The following LRRC28 variants were observed in gnomAD, a reference collection of about 807,000 sequenced individuals.
LRRC28 encodes the protein leucine rich repeat containing 28.
A neutral mutation model predicts 45.7 loss-of-function variants in LRRC28; 39 were observed. That is an observed-to-expected ratio of 0.85 (90% CI 0.66 to 1.12). The LOEUF (loss-of-function observed/expected upper bound fraction) is 1.12. Ranked by LOEUF, LRRC28 falls within the 50% of genes most tolerant of loss-of-function variation. The pLI is 0.00. For missense variants in LRRC28, 435 were observed against 438.5 expected, an observed-to-expected ratio of 0.99 and a Z score of 0.07; for synonymous variants, 206 against 178.8, an observed-to-expected ratio of 1.15 and a Z score of -1.22.
At chr15:99,325,714 G>T (rs573379531) in intron 5 of LRRC28, among the ~76,000 whole-genome samples, 1 of 152,278 alleles carries the variant, frequency 6.6e-6, no homozygotes, top group East Asian at 1.9e-4. Context: ...GTATTACATT[G>T]ATTTTTCAGC....
intron 2 of LRRC28, among the ~76,000 whole-genome samples, chr15:99,270,125 G>A (rs75693133): frequency 0.094 from 14,272 of 152,202 alleles, 736 homozygotes; most frequent in African/African-American, 0.14. Context: ...AACTCATGTC[G>A]TGTACCTGCT....
chr15:99,308,447 G>A (rs1181354789), intron 5 of LRRC28, among the ~76,000 whole-genome samples: 4 of 152,096 alleles, frequency 2.6e-5, no homozygotes, highest in Non-Finnish European at 4.4e-5. Flanking sequence ...TAGGAGGATC[G>A]CTTAAGCTAG....
At chr15:99,370,904 G>A (rs1345689511) in intron 9 of LRRC28, among the ~76,000 whole-genome samples, 1 of 152,172 alleles carries the variant, frequency 6.6e-6, no homozygotes, top group Non-Finnish European at 1.5e-5. Context: ...TTTGAGTAGT[G>A]TTAAATTTTT....
chr15:99,273,052 A>G (rs763887501), intron 2 of LRRC28, among the ~76,000 whole-genome samples: 1 of 152,202 alleles, frequency 6.6e-6, no homozygotes, highest in Non-Finnish European at 1.5e-5. Flanking sequence ...TGCTGTACCT[A>G]AATTATAGAA....
Position 99,361,495 on chromosome 15 carries a change from C to A in LRRC28, c.855C>A (p.Tyr285Ter), listed in dbSNP as rs1957201811. 6.2e-7 allele frequency: 1 copy of A among 1,601,254 alleles called. No homozygotes were observed. The highest frequency in any genetic ancestry group is 1.1e-5 in the South Asian group (1 of 88,472). Reference sequence around the variant, plus strand: ...CTATGAGAGGGCTGTATCATACCTACCACAGCTTGCTGAAAGGTACGTGGG... The same window carrying A: ...CTATGAGAGGGCTGTATCATACCTAACACAGCTTGCTGAAAGGTACGTGGG... Reference protein sequence around the residue: ...ELAMRGLYHTYHSLLKDLNFL... With the variant: ...ELAMRGLYHT Residue 285 changes from tyrosine (Y) to a stop codon, truncating the protein, a stop_gained, in exon 8 of 10, where the codon TAC (tyrosine) becomes TAA (stop). Transcript: ENST00000301981. LOFTEE classifies it high-confidence loss of function.
chr15:99,352,383 C>A lies in LRRC28; in HGVS notation c.607C>A (p.Arg203=). ...TTCTAATCCAGATTTAGGTCGATCT[C>A]GAGAACTACAGTATGTATACGTGGA... ...AFLPLDLGRS[R]ELQYVYVDNN... Residue 203 remains arginine, a synonymous_variant, in exon 7 of 10, where the codon CGA becomes AGA. Transcript: ENST00000301981. The A allele has an allele frequency of 6.2e-7, 1 of 1,613,052 alleles. No individual in the cohort carries two copies. Among genetic ancestry groups the A allele is most frequent in the South Asian group, 1.1e-5 (1 of 90,900 alleles).
chr15:99,331,128 A>G (rs906332293), intron 5 of LRRC28, among the ~76,000 whole-genome samples: 4 of 152,204 alleles, frequency 2.6e-5, no homozygotes, highest in Admixed American at 2.6e-4. Flanking sequence ...TGCAAGCCTT[A>G]GTAATTTTTG....
chr15:99,332,076 T>G (rs1956179103), intron 5 of LRRC28: 1 of 152,218 alleles, frequency 6.6e-6, no homozygotes. Context: ...TTTTTGATTT[T>G]TAAATTTAGT....
intron 6 of LRRC28, among the ~76,000 whole-genome samples, chr15:99,349,988 T>G (rs1024277922): frequency 9.3e-4 from 139 of 149,570 alleles, no homozygotes; most frequent in African/African-American, 3.2e-3. Context: ...TACAAAAAAT[T>G]AGCCGGGCGC....
chr15:99,372,706 G>A (rs1023275127), intron 9 of LRRC28, among the ~76,000 whole-genome samples: 3 of 152,154 alleles, frequency 2.0e-5, no homozygotes, highest in Admixed American at 2.0e-4. Context: ...ATCCTTTAAT[G>A]AGTGTAAATC....
At position 99,386,979 on chromosome 15, in the gene LRRC28, T is replaced by C. The variant is rs1032624092; in HGVS notation, c.*877T>C. 3.3e-5 allele frequency: 5 copies of C among 152,178 alleles called. No individual in the cohort carries two copies. The highest frequency in any genetic ancestry group is 5.9e-5 in the Non-Finnish European group (4 of 68,036). 9.4% of individuals were successfully genotyped at this position (152,178 alleles called of 1,614,324 possible). A position where few individuals can be genotyped will look rare whatever the true frequency, so the allele number is the denominator to read the frequency against. ...TGAAATAAGACCTCCGTGTTCTTTT[T>C]TGATGGGTTTATGATTCAGTTTATA... On this transcript the variant is annotated 3_prime_UTR_variant, in exon 10 of 10. Coordinates refer to ENST00000301981, the MANE Select transcript of LRRC28 (RefSeq NM_144598.5).
intron 3 of LRRC28, chr15:99,285,087 C>G (rs2081922240): frequency 1.4e-6 from 1 of 692,698 alleles, no homozygotes; most frequent in Non-Finnish European, 2.7e-6. Flanking sequence ...TATGGTATTT[C>G]TGAGTGACAG....
At chr15:99,319,644 T>C (rs985589858) in intron 5 of LRRC28, among the ~76,000 whole-genome samples, 1 of 139,214 alleles carries the variant, frequency 7.2e-6, no homozygotes, top group Non-Finnish European at 1.5e-5. Context: ...CGAGGTAAAA[T>C]GTCAAAACAG....
chr15:99,290,031 G>A (rs1315512782), intron 5 of LRRC28, among the ~76,000 whole-genome samples: 2 of 150,884 alleles, frequency 1.3e-5, no homozygotes, highest in Non-Finnish European at 2.9e-5. Context: ...GCCGAGGTGG[G>A]TGGATCACCT....
chr15:99,315,114 A>T (rs188028515), intron 5 of LRRC28, among the ~76,000 whole-genome samples: 2,120 of 152,242 alleles, frequency 0.014, 45 homozygotes, highest in African/African-American at 0.049. Flanking sequence ...ATGAAAAAAA[A>T]TTTTTACCAT....
chr15:99,382,610 A>G (rs1431707223), intron 9 of LRRC28, among the ~76,000 whole-genome samples: 1 of 151,796 alleles, frequency 6.6e-6, no homozygotes, highest in Non-Finnish European at 1.5e-5. Context: ...AATTTGTCTG[A>G]TATCTTTTAA....
chr15:99,311,860 T>G (rs553285893), intron 5 of LRRC28, among the ~76,000 whole-genome samples: 82 of 152,306 alleles, frequency 5.4e-4, no homozygotes, highest in African/African-American at 1.9e-3. Context: ...TTTCTTAATT[T>G]CTTTTAAAAA....
chr15:99,270,521 C>A (rs2081449231), intron 2 of LRRC28, among the ~76,000 whole-genome samples: 1 of 148,494 alleles, frequency 6.7e-6, no homozygotes, highest in East Asian at 2.1e-4. Flanking sequence ...AATGGGATCA[C>A]AAAATATGAA....
intron 5 of LRRC28, among the ~76,000 whole-genome samples, chr15:99,289,607 T>C (rs556189379): frequency 6.6e-6 from 1 of 152,380 alleles, no homozygotes; most frequent in African/African-American, 2.4e-5. Context: ...CTTTATGTTC[T>C]GGCCTTAATA....
Sources: gnomAD v4.1 joint callset for allele counts (sites outside exome capture counted in the v4.1 genomes callset) on GRCh38, gnomAD v4.1.1 for gene constraint, MANE v1.5 for transcripts, NCBI Gene and HGNC (gene_info 2026-07-23, HGNC 2026-07-21) for gene names.